The following SCMH1 variants were observed in gnomAD, a reference collection of about 807,000 sequenced individuals.
The protein encoded by SCMH1 is Scm polycomb group protein homolog 1, also known as polycomb protein SCMH1.
Under a neutral mutation model 70.8 loss-of-function variants are expected in SCMH1, and 37 were observed. That is an observed-to-expected ratio of 0.52 (90% confidence interval 0.40 to 0.69). The LOEUF is 0.69. Ranked by LOEUF, SCMH1 falls within the 30% of genes least tolerant of loss-of-function variation. The pLI, the probability that SCMH1 is intolerant of heterozygous loss-of-function variation, is 0.00. For synonymous variants in SCMH1, 292 were observed against 307.4 expected, an observed-to-expected ratio of 0.95 and a Z score of 0.52; for missense variants, 607 against 827.3, an observed-to-expected ratio of 0.73 and a Z score of 3.27.
At chr1:41,229,671 A>T (rs1199762266) in intron 1 of SCMH1, among the ~76,000 whole-genome samples, 1 of 152,124 alleles carries the variant, frequency 6.6e-6, no homozygotes, top group East Asian at 1.9e-4. Flanking sequence ...GCAAACCAAC[A>T]TGGCACATGT....
At chr1:41,177,696 A>G (rs1647364538) in intron 2 of SCMH1, among the ~76,000 whole-genome samples, 1 of 152,212 alleles carries the variant, frequency 6.6e-6, no homozygotes, top group African/African-American at 2.4e-5. Flanking sequence ...AGAAAAAAGA[A>G]TAAAAAGAAA....
chr1:41,177,702 A>C (rs1306560331), intron 2 of SCMH1, among the ~76,000 whole-genome samples: 2 of 152,232 alleles, frequency 1.3e-5, no homozygotes, highest in African/African-American at 4.8e-5. Context: ...AAGAATAAAA[A>C]GAAACGAACA....
At chr1:41,233,677 A>T (rs1284450533) in intron 1 of SCMH1, among the ~76,000 whole-genome samples, 8 of 152,152 alleles carry the variant, frequency 5.3e-5, no homozygotes, top group African/African-American at 1.2e-4. Flanking sequence ...AATGATTTTT[A>T]AAAAAATATC....
chr1:41,082,861 C>T (rs1305037634), intron 8 of SCMH1, among the ~76,000 whole-genome samples: 2 of 152,150 alleles, frequency 1.3e-5, no homozygotes, highest in African/African-American at 2.4e-5. Flanking sequence ...TAAACAGAAC[C>T]ATCGACAAAA....
intron 6 of SCMH1, among the ~76,000 whole-genome samples, chr1:41,123,155 G>A (rs1413687877): frequency 1.3e-5 from 2 of 152,108 alleles, no homozygotes; most frequent in African/African-American, 2.4e-5. Context: ...TGGGGATGTC[G>A]AGGCTGCAGT....
At chr1:41,033,875 A>G in intron 13 of SCMH1, 108 bp downstream of exon 14, 1 of 1,513,156 alleles carries the variant, frequency 6.6e-7, no homozygotes, top group Non-Finnish European at 8.9e-7. Flanking sequence ...TGCTTAGGGA[A>G]CAACAGTACC....
chr1:41,170,114 G>A (rs1020052095), intron 2 of SCMH1, among the ~76,000 whole-genome samples: 4 of 152,152 alleles, frequency 2.6e-5, no homozygotes, highest in Non-Finnish European at 5.9e-5. Flanking sequence ...TTGCTCCTGG[G>A]GGATGAAAGC....
At chr1:41,037,595 C>T in intron 12 of SCMH1, 54 bp from the exon 13 acceptor site, 4 of 1,514,228 alleles carry the variant, frequency 2.6e-6, no homozygotes, top group African/African-American at 2.7e-5. Flanking sequence ...AGAGTGCTGG[C>T]TCCCAGATAC....
rs77805779 is a variant in SCMH1, at chr1:41,062,184, A to G, written c.1105+8411T>C. Among the ~76,000 whole-genome samples the G allele has an allele frequency of 7.8e-3, 1,192 of 152,314 alleles. 16 individuals are homozygous for G. The highest frequency in any genetic ancestry group is 0.028 in the African/African-American group (1,144 of 41,578). On this transcript the variant is annotated intron_variant, in intron 10 of 14. Transcript: ENST00000337495. ...CCCAGCCTGAACAAATTTTAAAAGA[A>G]TAATCACACAATGTCTTCTTTCAGA...
chr1:41,129,518 T>C (rs1480062617), intron 6 of SCMH1, among the ~76,000 whole-genome samples: 1 of 152,220 alleles, frequency 6.6e-6, no homozygotes, highest in Non-Finnish European at 1.5e-5. Context: ...TGTTGTAGCA[T>C]GTGTTATAAT....
At chr1:41,147,572 T>C (rs1644700992) in intron 5 of SCMH1, among the ~76,000 whole-genome samples, 1 of 152,158 alleles carries the variant, frequency 6.6e-6, no homozygotes. Context: ...CATAGTGTTG[T>C]TCAAATCCAC....
chr1:41,065,200 C>T (rs546530200), intron 10 of SCMH1, among the ~76,000 whole-genome samples: 2 of 152,206 alleles, frequency 1.3e-5, no homozygotes, highest in South Asian at 4.2e-4. Flanking sequence ...CAAATTGAAT[C>T]AGCTGGGGGT....
Position 41,046,699 on chromosome 1 carries a change from T to G in SCMH1, c.1307-101A>C, listed in dbSNP as rs568686882. On this transcript the variant is annotated intron_variant, in intron 11 of 14. Transcript: ENST00000337495. ...CACTGCTTGTCTCAGGCTTACCTGGTTACACAAAGGGAATCAGTGCCCCAC... is the reference window on the plus strand; with the variant it reads ...CACTGCTTGTCTCAGGCTTACCTGGGTACACAAAGGGAATCAGTGCCCCAC... 24 of 907,782 alleles carry G rather than the reference T, an allele frequency of 2.6e-5. No individual in the cohort carries two copies. The East Asian group carries it at 4.9e-4, about 19-fold the overall frequency. 56.2% of individuals were successfully genotyped at this position (907,782 alleles called of 1,614,324 possible).
At chr1:41,036,103 AG>A (rs1223512817) in intron 13 of SCMH1, among the ~76,000 whole-genome samples, 3 of 152,108 alleles carry the variant, frequency 2.0e-5, no homozygotes, top group African/African-American at 7.2e-5. Flanking sequence ...GTTGGTTCCC[AG>A]GACTTCATCT....
intron 12 of SCMH1, among the ~76,000 whole-genome samples, chr1:41,039,293 A>G (rs948882336): frequency 7.2e-5 from 11 of 152,170 alleles, no homozygotes; most frequent in African/African-American, 2.7e-4. Flanking sequence ...TGCTAAGAAC[A>G]CTGAGACGTA....
At position 41,113,924 on chromosome 1, in the gene SCMH1, T is replaced by C. The variant is rs1011611880; in HGVS notation, c.502-398A>G. Among the ~76,000 whole-genome samples the C allele has an allele frequency of 6.6e-6, 1 of 152,208 alleles. No individual in the cohort carries two copies. Among genetic ancestry groups the C allele is most frequent in the Admixed American group, 6.5e-5 (1 of 15,282 alleles). ...TATATAAATGGTATTATACTGTATA[T>C]ATCATTGTACAATTTGCTTTTTGTT... On this transcript the variant is annotated intron_variant, in intron 7 of 14. Transcript: ENST00000337495. This position sits in a 1 kb window ranked among gnomAD's most constrained non-coding sequence, Gnocchi z 4.3.
intron 7 of SCMH1, among the ~76,000 whole-genome samples, chr1:41,114,994 G>A (rs1163520273): frequency 6.6e-6 from 1 of 152,022 alleles, no homozygotes; most frequent in Non-Finnish European, 1.5e-5. Flanking sequence ...TTTCTTTAAT[G>A]CAGATTTCTT....
chr1:41,062,313 T>A (rs1296422650), intron 10 of SCMH1, among the ~76,000 whole-genome samples: 1 of 151,974 alleles, frequency 6.6e-6, no homozygotes, highest in African/African-American at 2.4e-5. Flanking sequence ...TTAAAAAATA[T>A]TTGGAAATGG....
chr1:41,066,818 G>A (rs1654763485), intron 10 of SCMH1, among the ~76,000 whole-genome samples: 1 of 152,010 alleles, frequency 6.6e-6, no homozygotes, highest in Non-Finnish European at 1.5e-5. Context: ...TTGAACTCCT[G>A]AGCTCAAGTG....
Sources: gnomAD v4.1 joint callset for allele counts (sites outside exome capture counted in the v4.1 genomes callset) on GRCh38, gnomAD v4.1.1 for gene constraint, Gnocchi (gnomAD v3.1) non-coding constraint, MANE v1.5 for transcripts, NCBI Gene and HGNC (gene_info 2026-07-23, HGNC 2026-07-21) for gene names.